The following TSKS variants were observed in gnomAD, a reference collection of about 807,000 sequenced individuals.
TSKS encodes the protein testis-specific serine kinase substrate.
In TSKS, 27 loss-of-function variants were observed where a neutral mutation model predicts 68.0. The ratio of observed to expected loss-of-function variants is 0.40; its 90% confidence interval spans 0.29 to 0.55. The LOEUF (loss-of-function observed/expected upper bound fraction) is 0.55, where lower values mean the gene tolerates loss of function less well. Ranked by LOEUF, TSKS falls within the 20% of genes least tolerant of loss-of-function variation. TSKS has a pLI of 0.53. For missense variants in TSKS, 806 were observed against 776.0 expected (o/e 1.04, Z -0.46); for synonymous variants, 331 against 340.4 (o/e 0.97, Z 0.30).
intron 6 of TSKS, among the ~76,000 whole-genome samples, chr19:49,746,190 C>A (rs114197737): frequency 0.059 from 8,920 of 151,098 alleles, 290 homozygotes; most frequent in East Asian, 0.094. Flanking sequence ...TCAAAAAAAA[C>A]AAAACAAAAC....
rs1202820421 is a variant in TSKS at position 49,740,196 on chromosome 19, G to A, written c.1498-13C>T. ...GGCGCTCCAGCTCCTGGGGAGAGGA[G>A]CGTAGGCGTAGCTGGGCTTGCTGGA... is the stretch of plus-strand genomic sequence containing the variant. On this transcript the variant is annotated splice_polypyrimidine_tract_variant and intron_variant, in intron 9 of 10. Coordinates refer to ENST00000246801, the MANE Select transcript of TSKS (RefSeq NM_021733.2). 1.9e-6 allele frequency: 3 copies of A among 1,606,292 alleles called. No homozygotes were observed. Among genetic ancestry groups the A allele is most frequent in the Non-Finnish European group, 2.5e-6 (3 of 1,177,446 alleles).
At chr19:49,762,914 T>A (rs2084455741) in intron 1 of TSKS, among the ~76,000 whole-genome samples, 164 bp downstream of exon 1, 1 of 152,014 alleles carries the variant, frequency 6.6e-6, no homozygotes, top group African/African-American at 2.4e-5. Flanking sequence ...TCTTCCTCTC[T>A]ACCTCCCTGT....
rs558223277 is a variant in TSKS at position 49,748,474 on chromosome 19, G to A, written c.400-5C>T. Reference sequence around the variant, plus strand: ...CAATCCACTGTTGACCCCACTCTGGGGAAGAATGGGAGACAGGTGAGTTAG... The same window carrying A: ...CAATCCACTGTTGACCCCACTCTGGAGAAGAATGGGAGACAGGTGAGTTAG... On this transcript the variant is annotated splice_region_variant and splice_polypyrimidine_tract_variant and intron_variant, in intron 2 of 10. Coordinates refer to ENST00000246801, the MANE Select transcript of TSKS (RefSeq NM_021733.2). 6.2e-7 allele frequency: 1 copy of A among 1,613,350 alleles called. No homozygotes were observed. The highest frequency in any genetic ancestry group is 8.5e-7 in the Non-Finnish European group (1 of 1,179,530).
rs1189255787 is a variant in TSKS at position 49,739,794 on chromosome 19, G to GC, written c.1760dup (p.Ser588LeufsTer4). 3 of 1,486,986 alleles carry GC rather than the reference G, an allele frequency of 2.0e-6. No individual in the cohort carries two copies. Among genetic ancestry groups the GC allele is most frequent in the East Asian group, 2.3e-5 (1 of 44,198 alleles). 92.1% of individuals were successfully genotyped at this position (1,486,986 alleles called of 1,614,324 possible). Reference sequence around the variant, plus strand: ...AGGCCATTTATTGTTCAGGGGCTGAGCCCCCCTGTTTTGGGGGGGTTCCTG... The same window carrying GC: ...AGGCCATTTATTGTTCAGGGGCTGAGCCCCCCCTGTTTTGGGGGGGTTCCTG... On this transcript the variant is annotated frameshift_variant, in exon 11 of 11. Transcript: ENST00000246801. LOFTEE classifies it high-confidence loss of function.
At chr19:49,753,890 AT>A (rs201117096) in intron 2 of TSKS, among the ~76,000 whole-genome samples, 8,901 of 145,028 alleles carry the variant, frequency 0.061, 313 homozygotes, top group Admixed American at 0.14. Flanking sequence ...TTTTTATTGT[AT>A]TTTTTTTTTT....
At chr19:49,749,149 A>T (rs1180909556) in intron 2 of TSKS, among the ~76,000 whole-genome samples, 1 of 152,206 alleles carries the variant, frequency 6.6e-6, no homozygotes, top group African/African-American at 2.4e-5. Flanking sequence ...CTGGTGAATT[A>T]CAAAGGAAGC....
intron 2 of TSKS, among the ~76,000 whole-genome samples, chr19:49,759,084 C>T (rs895164589): frequency 4.0e-5 from 6 of 151,850 alleles, no homozygotes; most frequent in Middle Eastern, 3.2e-3. Flanking sequence ...CTGGAATTAC[C>T]GACCTCAGGT....
chr19:49,759,816 T>C (rs949468950), intron 2 of TSKS, among the ~76,000 whole-genome samples: 2 of 150,710 alleles, frequency 1.3e-5, no homozygotes, highest in African/African-American at 4.9e-5. Flanking sequence ...GCCTGGGCAA[T>C]AGAGTGAGAC....
chr19:49,754,390 T>G (rs1446937021), intron 2 of TSKS, among the ~76,000 whole-genome samples: 1 of 151,560 alleles, frequency 6.6e-6, no homozygotes, highest in Non-Finnish European at 1.5e-5. Context: ...TCCCAGCTAC[T>G]GGGGAGGCTG....
chr19:49,751,105 A>G (rs976275542), intron 2 of TSKS, among the ~76,000 whole-genome samples: 2 of 151,994 alleles, frequency 1.3e-5, no homozygotes, highest in African/African-American at 2.4e-5. Flanking sequence ...GGAGTTCGAG[A>G]CCAGCCTGAC....
At chr19:49,758,754 T>C (rs2123629704) in intron 2 of TSKS, among the ~76,000 whole-genome samples, 1 of 152,254 alleles carries the variant, frequency 6.6e-6, no homozygotes, top group East Asian at 1.9e-4. Flanking sequence ...AAAGCCCTTT[T>C]GCATTAGTGA....
At chr19:49,760,990 A>C (rs2084435853) in intron 2 of TSKS, among the ~76,000 whole-genome samples, 1 of 151,998 alleles carries the variant, frequency 6.6e-6, no homozygotes. Context: ...CGGGAGGCTG[A>C]GGCAGGAGAA....
intron 2 of TSKS, among the ~76,000 whole-genome samples, chr19:49,756,848 T>G (rs943008048): frequency 1.5e-4 from 23 of 152,034 alleles, no homozygotes; most frequent in Non-Finnish European, 2.6e-4. Flanking sequence ...TCACCTGAGG[T>G]CAGGAGTTCA....
intron 2 of TSKS, among the ~76,000 whole-genome samples, chr19:49,753,615 T>C (rs2084369110): frequency 6.9e-6 from 1 of 144,340 alleles, no homozygotes; most frequent in Non-Finnish European, 1.5e-5. Flanking sequence ...TAGCTGAGCT[T>C]GGTAGTGCAC....
chr19:49,753,594 T>TAATAATAAA (rs1195769677), intron 2 of TSKS, among the ~76,000 whole-genome samples: 16 of 136,924 alleles, frequency 1.2e-4, no homozygotes, highest in African/African-American at 2.5e-4. Flanking sequence ...ATAATAATAA[T>TAATAATAAA]AAAATAAAAT....
At chr19:49,745,999 C>T (rs2084295660) in intron 6 of TSKS, among the ~76,000 whole-genome samples, 1 of 152,032 alleles carries the variant, frequency 6.6e-6, no homozygotes, top group South Asian at 2.1e-4. Flanking sequence ...CTGGCTAACA[C>T]GGTGAAACCC....
At position 49,748,171 on chromosome 19, in the gene TSKS, G is replaced by A; in HGVS notation, c.496-3C>T. Reference sequence around the variant, plus strand: ...TCGCTCAGCACAGAACACTCGCTCTGGAGCATGGAAGGAGGAGAGGTTAGC... The same window carrying A: ...TCGCTCAGCACAGAACACTCGCTCTAGAGCATGGAAGGAGGAGAGGTTAGC... On this transcript the variant is annotated splice_region_variant and splice_polypyrimidine_tract_variant and intron_variant, in intron 3 of 10. Transcript: ENST00000246801. 6.2e-7 allele frequency: 1 copy of A among 1,614,142 alleles called. No homozygotes were observed. The highest frequency in any genetic ancestry group is 8.5e-7 in the Non-Finnish European group (1 of 1,180,014).
In TSKS at chr19:49,741,936, C is replaced by G. The variant is rs745446057; in HGVS notation, c.1446G>C (p.Arg482Ser). 7.4e-6 allele frequency: 12 copies of G among 1,614,092 alleles called. No homozygotes were observed. The East Asian group carries it at 2.7e-4, about 36-fold the overall frequency. ...LTSLVDEVKQ[R>S]GLTPACPSCQ... Reference sequence around the variant, plus strand: ...AGCTGGGACAGGCAGGAGTCAGGCCCCTCTGCTTCACCTCGTCCACTAGTG... The same window carrying G: ...AGCTGGGACAGGCAGGAGTCAGGCCGCTCTGCTTCACCTCGTCCACTAGTG... The change falls in exon 9 of 11, where the codon AGG (arginine) becomes AGC (serine). Residue 482 changes from arginine (R) to serine (S), a missense_variant. Physicochemically the swap from Arg to Ser is moderately radical, Grantham distance 110 (BLOSUM62 -1). Coordinates refer to ENST00000246801, the MANE Select transcript of TSKS (RefSeq NM_021733.2).
At chr19:49,751,301 C>CAAA (rs55750605) in intron 2 of TSKS, among the ~76,000 whole-genome samples, 18 of 35,084 alleles carry the variant, frequency 5.1e-4, no homozygotes, top group East Asian at 1.7e-3. Flanking sequence ...GATTCCATCT[C>CAAA]AAAAAAAAAA....
Sources: gnomAD v4.1 joint callset for allele counts (sites outside exome capture counted in the v4.1 genomes callset) on GRCh38, gnomAD v4.1.1 for gene constraint, MANE v1.5 for transcripts, NCBI Gene and HGNC (gene_info 2026-07-23, HGNC 2026-07-21) for gene names.